Variants in VIPR1 observed in about 807,000 individuals in gnomAD.
The protein encoded by VIPR1 is vasoactive intestinal peptide receptor 1.
VIPR1 carries 59 observed loss-of-function variants against 58.8 expected under a neutral mutation model. That is an observed-to-expected ratio of 1.00 (90% confidence interval 0.81 to 1.25). The LOEUF is 1.25. Ranked by LOEUF, VIPR1 falls within the 50% of genes most tolerant of loss-of-function variation. The pLI, the probability that VIPR1 is intolerant of heterozygous loss-of-function variation, is 0.00. For missense variants in VIPR1, 626 were observed against 602.7 expected (o/e 1.04, Z -0.40); for synonymous variants, 251 against 242.1 (o/e 1.04, Z -0.34).
rs1020972614 is a variant in VIPR1, at chr3:42,526,450, A to G, written c.399+457A>G. Among the ~76,000 whole-genome samples the G allele has an allele frequency of 7.2e-5, 11 of 152,356 alleles. No individual in the cohort carries two copies. The East Asian group carries it at 1.9e-3, about 27-fold the overall frequency. ...CCAGGACAGATATCTTCCCCGGAGC[A>G]GTTAAAACATGGTCTCTGTAAAGAC... On this transcript the variant is annotated intron_variant, in intron 4 of 12. Coordinates refer to ENST00000325123, the MANE Select transcript of VIPR1 (RefSeq NM_004624.4).
rs761986236 is a variant in VIPR1, at chr3:42,536,223, G to T, written c.1316G>T (p.Arg439Leu). ...TCSTQVSMLT[R>L]VSPGARRSSS... ...AGCACGCAGGTTTCCATGCTGACCC[G>T]CGTCAGCCCAGGTGCCCGCCGCTCC... The change falls in exon 13 of 13, where the codon CGC becomes CTC. Residue 439 changes from arginine (R) to leucine (L), a missense_variant. Physicochemically the swap from Arg to Leu is moderately radical, Grantham distance 102. Coordinates refer to ENST00000325123, the MANE Select transcript of VIPR1 (RefSeq NM_004624.4). 1 of 1,584,244 alleles carries T rather than the reference G, an allele frequency of 6.3e-7. No individual in the cohort carries two copies.
intron 7 of VIPR1, 194 bp downstream of exon 7, chr3:42,531,126 G>A: frequency 1.4e-6 from 1 of 726,166 alleles, no homozygotes; most frequent in Non-Finnish European, 2.2e-6. Flanking sequence ...TCAGGTTGCA[G>A]CTGCACCTAG....
intron 1 of VIPR1, among the ~76,000 whole-genome samples, chr3:42,490,004 C>T (rs1210493551): frequency 6.6e-6 from 1 of 152,138 alleles, no homozygotes; most frequent in Admixed American, 6.5e-5. Context: ...GAAGCCCTTC[C>T]TCTGATCTGC....
chr3:42,493,580 G>A (rs936925697), intron 1 of VIPR1, among the ~76,000 whole-genome samples: 1 of 152,130 alleles, frequency 6.6e-6, no homozygotes, highest in African/African-American at 2.4e-5. Flanking sequence ...CAGATCTCTT[G>A]CTCTCTCTGC....
At position 42,527,674 on chromosome 3, in the gene VIPR1, C is replaced by T. The variant is rs970792126; in HGVS notation, c.503+178C>T. The T allele has an allele frequency of 9.0e-6, 6 of 669,898 alleles. No individual in the cohort carries two copies. The African/African-American group carries it at 1.1e-4, about 12-fold the overall frequency. The allele number at this position is 669,898 out of a possible 1,614,324, so 41.5% of individuals were successfully genotyped here. ...GGAGAAGGCAGGTGGCTGAGCTCTT[C>T]CATGTGTTGCAGCCTAGTCTCCCCT... On this transcript the variant is annotated intron_variant, in intron 5 of 12. Transcript: ENST00000325123.
intron 1 of VIPR1, chr3:42,492,213 CT>C (rs1482744290): frequency 6.6e-6 from 1 of 152,398 alleles, no homozygotes; most frequent in Admixed American, 6.6e-5. Flanking sequence ...CCCTCCTCCC[CT>C]ATCTCTCCTT....
Position 42,536,104 on chromosome 3 carries a change from G to C in VIPR1, c.1197G>C (p.Leu399=), listed in dbSNP as rs765112628. 3 of 1,603,248 alleles carry C rather than the reference G, an allele frequency of 1.9e-6. No homozygotes were observed. Among genetic ancestry groups the C allele is most frequent in the African/African-American group, 1.3e-5 (1 of 74,718 alleles). ...CCCTCTCCTAGGTGCAGGCGGAGCTGAGGCGGAAGTGGCGGCGCTGGCACC... is the reference window on the plus strand; with the variant it reads ...CCCTCTCCTAGGTGCAGGCGGAGCTCAGGCGGAAGTGGCGGCGCTGGCACC... ...CFLNGEVQAE[L]RRKWRRWHLQ... The change falls in exon 13 of 13, where the codon CTG becomes CTC. Residue 399 remains leucine (L), a synonymous_variant. Transcript: ENST00000325123.
chr3:42,535,728 A>G (rs919129709), intron 12 of VIPR1, among the ~76,000 whole-genome samples: 8 of 152,156 alleles, frequency 5.3e-5, no homozygotes, highest in Admixed American at 2.6e-4. Flanking sequence ...AGGGCTTCCA[A>G]TGAAGGTTGA....
At position 42,537,553 on chromosome 3, in the gene VIPR1, T is replaced by C. The variant is rs189027694; in HGVS notation, c.*1272T>C. 42 of 152,328 alleles carry C rather than the reference T, an allele frequency of 2.8e-4. No homozygotes were observed. The highest frequency in any genetic ancestry group is 9.9e-4 in the African/African-American group (41 of 41,562). The allele number at this position is 152,328 out of a possible 1,614,324, so 9.4% of individuals were successfully genotyped here. ...GGACTGCAACAGGCTTGTGCAACAA[T>C]AAATGTTGGCTTGGATTGGCTTGGT... On this transcript the variant is annotated 3_prime_UTR_variant, in exon 13 of 13. Transcript: ENST00000325123.
chr3:42,531,798 C>G lies in VIPR1; in HGVS notation c.852-5C>G, dbSNP rs1445881254. On this transcript the variant is annotated splice_region_variant and splice_polypyrimidine_tract_variant and intron_variant, in intron 8 of 12. Coordinates refer to ENST00000325123, the MANE Select transcript of VIPR1 (RefSeq NM_004624.4). Reference sequence around the variant, plus strand: ...CCCTCTCATTCCTCCCCACGGTCTGCTCAGGTGCTGGGACACCATCAACTC... The same window carrying G: ...CCCTCTCATTCCTCCCCACGGTCTGGTCAGGTGCTGGGACACCATCAACTC... 1 of 1,614,134 alleles carries G rather than the reference C, an allele frequency of 6.2e-7. No homozygotes were observed. The highest frequency in any genetic ancestry group is 1.1e-5 in the South Asian group (1 of 91,076).
At chr3:42,499,681 T>C (rs1699830006), upstream of VIPR1, among the ~76,000 whole-genome samples, 3 of 152,072 alleles carry the variant, frequency 2.0e-5, no homozygotes, top group Non-Finnish European at 4.4e-5. Flanking sequence ...CAAGGCAGAC[T>C]CCAGAGGGGC....
At chr3:42,530,971 G>T (rs769520821) in intron 7 of VIPR1, 39 bp downstream of exon 7, 9 of 1,610,326 alleles carry the variant, frequency 5.6e-6, no homozygotes, top group Non-Finnish European at 7.6e-6. Context: ...GGGGACAGAG[G>T]GGGCAAGGCC....
chr3:42,519,271 G>A lies in VIPR1; in HGVS notation c.233G>A (p.Arg78Gln), dbSNP rs201078991. The A allele has an allele frequency of 2.2e-5, 35 of 1,610,562 alleles. No homozygotes were observed. In the Middle Eastern group the frequency reaches 6.6e-4, roughly 30 times the overall value. The change falls in exon 3 of 13, where the codon CGG (arginine) becomes CAG (glutamine). Residue 78 changes from arginine (R) to glutamine (Q), a missense_variant. Arg to Gln is a conservative substitution (Grantham distance 43). Coordinates refer to ENST00000325123, the MANE Select transcript of VIPR1 (RefSeq NM_004624.4). ...DNLTCWPATP[R>Q]GQVVVLACPL... ...CTCACCTGCTGGCCAGCCACCCCTC[G>A]GGGCCAGGTAGTTGTCTTGGCCTGT...
intron 7 of VIPR1, 94 bp from the exon 8 acceptor site, chr3:42,531,377 C>CCTCTCCCTGCTTTTCTCCAAAAT: frequency 7.5e-7 from 1 of 1,336,358 alleles, no homozygotes; most frequent in African/African-American, 1.5e-5. Flanking sequence ...TCTCTCCCTC[C>CCTCTCCCTGCTTTTCTCCAAAAT]CTCTCCCTGC....
chr3:42,505,518 C>A (rs1437065722), intron 1 of VIPR1, among the ~76,000 whole-genome samples: 4 of 152,240 alleles, frequency 2.6e-5, no homozygotes, highest in African/African-American at 7.2e-5. Context: ...AGCAGGCCAC[C>A]CTGTGAGCTT....
chr3:42,506,311 C>T (rs936943014), intron 1 of VIPR1, among the ~76,000 whole-genome samples: 1 of 152,222 alleles, frequency 6.6e-6, no homozygotes, highest in Non-Finnish European at 1.5e-5. Context: ...TGCCACAACT[C>T]TGCCATTGCT....
At chr3:42,509,518 G>A (rs1700268555) in intron 1 of VIPR1, 1 of 152,276 alleles carries the variant, frequency 6.6e-6, no homozygotes, top group Admixed American at 6.5e-5. Flanking sequence ...GGAAAAAGCA[G>A]GGCTTTCTCT....
chr3:42,511,006 T>A (rs1203588740), intron 1 of VIPR1, among the ~76,000 whole-genome samples: 1 of 152,060 alleles, frequency 6.6e-6, no homozygotes, highest in African/African-American at 2.4e-5. Context: ...GCCCAGAAAG[T>A]GAGGGCGTCC....
intron 5 of VIPR1, 108 bp downstream of exon 5, chr3:42,527,604 C>G (rs1701302685): frequency 2.9e-6 from 3 of 1,029,022 alleles, no homozygotes; most frequent in Non-Finnish European, 4.4e-6. Flanking sequence ...ACTGTTGCCC[C>G]CCAGCAGCAC....
Sources: allele counts gnomAD v4.1 joint callset (sites outside exome capture counted in the v4.1 genomes callset), GRCh38; gene constraint gnomAD v4.1.1; transcripts MANE v1.5; gene names NCBI Gene and HGNC (gene_info 2026-07-23, HGNC 2026-07-21).